BCAS3: variants seen among roughly 807,000 people sequenced by gnomAD.
BCAS3 encodes BCAS4/BCAS3 fusion.
In BCAS3, 53 loss-of-function variants were observed where a neutral mutation model predicts 116.1. The observed-to-expected ratio is 0.46, with a 90% CI of 0.37 to 0.57. The LOEUF is 0.57. Among genes scored for constraint, BCAS3 ranks in the 20% least tolerant of loss-of-function variants. The pLI is 0.00. For synonymous variants in BCAS3, 391 were observed against 408.2 expected, an observed-to-expected ratio of 0.96 and a Z score of 0.51; for missense variants, 917 against 1,165.4, an observed-to-expected ratio of 0.79 and a Z score of 3.10.
At chr17:61,170,061 G>A (rs2078748140) in intron 22 of BCAS3, among the ~76,000 whole-genome samples, 2 of 151,626 alleles carry the variant, frequency 1.3e-5, no homozygotes, top group Admixed American at 1.3e-4. Flanking sequence ...CACCACGTTG[G>A]CCAGGCTGGT....
intron 14 of BCAS3, among the ~76,000 whole-genome samples, chr17:60,963,231 A>G (rs1218367383): frequency 6.7e-6 from 1 of 149,728 alleles, no homozygotes; most frequent in Non-Finnish European, 1.5e-5. Context: ...TTGTGGCTCC[A>G]TATAAATGTT....
chr17:61,298,730 C>T (rs2144731974), intron 22 of BCAS3, among the ~76,000 whole-genome samples: 1 of 151,786 alleles, frequency 6.6e-6, no homozygotes, highest in Admixed American at 6.5e-5. Flanking sequence ...CCTTCTCTGG[C>T]AACAGAGAGT....
intron 7 of BCAS3, chr17:60,810,602 A>G: frequency 5.6e-6 from 4 of 720,114 alleles, no homozygotes; most frequent in South Asian, 5.4e-5. Context: ...AATACTGTGG[A>G]CAGTGCCTGC....
rs1439067675 is a variant in BCAS3, at chr17:61,088,479, A to C, written c.2425+3915A>C. 6.6e-6 allele frequency among the ~76,000 whole-genome samples: 1 copy of C among 152,234 alleles called. No individual in the cohort carries two copies. Among genetic ancestry groups the C allele is most frequent in the Non-Finnish European group, 1.5e-5 (1 of 68,040 alleles). Reference sequence around the variant, plus strand: ...GTATGTTCATTTTGGCTAGATAGCTAAGAATTTCTTTCTATTCTTTGTACC... The same window carrying C: ...GTATGTTCATTTTGGCTAGATAGCTCAGAATTTCTTTCTATTCTTTGTACC... On this transcript the variant is annotated intron_variant, in intron 22 of 23. Transcript: ENST00000407086. The surrounding 1 kb of genome is among the most constrained non-coding windows in gnomAD (Gnocchi z 4.2).
At chr17:61,190,526 C>CAAAA (rs71148387) in intron 22 of BCAS3, among the ~76,000 whole-genome samples, 16 of 43,846 alleles carry the variant, frequency 3.6e-4, no homozygotes, top group Admixed American at 1.1e-3. Flanking sequence ...GACTCCATCT[C>CAAAA]AAAAAAAAAA....
chr17:60,806,251 GT>G (rs1231130668), intron 6 of BCAS3, among the ~76,000 whole-genome samples: 2 of 152,156 alleles, frequency 1.3e-5, no homozygotes, highest in African/African-American at 4.8e-5. Flanking sequence ...ATAAGGGCTA[GT>G]TTAACAATGT....
In BCAS3 at chr17:61,286,328, TGAA is replaced by T. The variant is rs934574220; in HGVS notation, c.2426-81997_2426-81995del. The stretch of plus-strand genomic sequence containing the variant: ...GCATTTGAAAGTTATCGTGAGCAGA[TGAA>T]GCAGAGGTTGCTGGGTTTATACTGA... On this transcript the variant is annotated intron_variant, in intron 22 of 23. Transcript: ENST00000407086. This position sits in a 1 kb window ranked among gnomAD's most constrained non-coding sequence, Gnocchi z 4.8. Among the ~76,000 whole-genome samples, 32 of 152,218 alleles carry T rather than the reference TGAA, an allele frequency of 2.1e-4. No homozygotes were observed. The highest frequency in any genetic ancestry group is 7.0e-4 in the African/African-American group (29 of 41,458).
chr17:61,107,082 C>CTTTT lies in BCAS3; in HGVS notation c.2425+22537_2425+22540dup, dbSNP rs755754824. 1.8e-3 allele frequency among the ~76,000 whole-genome samples: 191 copies of CTTTT among 106,344 alleles called. 2 individuals carry two copies. The highest frequency in any genetic ancestry group is 2.2e-3 in the East Asian group (8 of 3,626). 69.8% of individuals were successfully genotyped at this position (106,344 alleles called of 152,430 possible). ...TCTTGCTTTGCTAACACTAGGCTTA[C>CTTTT]TTTTTTTTTTTTTTTTTTTTTTGAG... On this transcript the variant is annotated intron_variant, in intron 22 of 23. Transcript: ENST00000407086.
rs201099773 is a variant in BCAS3, at chr17:61,049,734, T to TC, written c.2029+8842_2029+8843insC. ...TCTTTTCTTTTCTTTTCTTTTCTTT[T>TC]TTTTTTTTTTTTTTTGAGACGGAGT... On this transcript the variant is annotated intron_variant, in intron 19 of 23. Transcript: ENST00000407086. Among the ~76,000 whole-genome samples, 657 of 144,666 alleles carry TC rather than the reference T, an allele frequency of 4.5e-3. 3 individuals carry two copies. The highest frequency in any genetic ancestry group is 0.016 in the African/African-American group (634 of 38,864). 94.9% of individuals were successfully genotyped at this position (144,666 alleles called of 152,430 possible). A position where few individuals can be genotyped will look rare whatever the true frequency, so the allele number is the denominator to read the frequency against.
chr17:61,189,156 GGGTAT>G lies in BCAS3; in HGVS notation c.2425+104596_2425+104600del, dbSNP rs2079955233. Among the ~76,000 whole-genome samples, 1 of 152,150 alleles carries G rather than the reference GGGTAT, an allele frequency of 6.6e-6. No homozygotes were observed. Among genetic ancestry groups the G allele is most frequent in the Non-Finnish European group, 1.5e-5 (1 of 68,024 alleles). On this transcript the variant is annotated intron_variant, in intron 22 of 23. Coordinates refer to ENST00000407086, the MANE Select transcript of BCAS3 (RefSeq NM_017679.5). This position sits in a 1 kb window ranked among gnomAD's most constrained non-coding sequence, Gnocchi z 4.5. ...GAGAGAGAGAACAGCACACTTCAAA[GGGTAT>G]GGTCTTTGTTGCTATGCTCCTTTAT...
At position 61,313,305 on chromosome 17, in the gene BCAS3, A is replaced by G. The variant is rs1352799120; in HGVS notation, c.2426-55022A>G. Among the ~76,000 whole-genome samples, 1 of 152,194 alleles carries G rather than the reference A, an allele frequency of 6.6e-6. No homozygotes were observed. Among genetic ancestry groups the G allele is most frequent in the Non-Finnish European group, 1.5e-5 (1 of 68,026 alleles). On this transcript the variant is annotated intron_variant, in intron 22 of 23. Transcript: ENST00000407086. This position sits in a 1 kb window ranked among gnomAD's most constrained non-coding sequence, Gnocchi z 4.3. ...ATTACACCACCATGATTCTACTCCAAAGACTGTCTTCCCTCCACCATGCCC... is the reference window on the plus strand; with the variant it reads ...ATTACACCACCATGATTCTACTCCAGAGACTGTCTTCCCTCCACCATGCCC...
At chr17:60,824,355 C>A (rs8079854) in intron 7 of BCAS3, among the ~76,000 whole-genome samples, 6,086 of 152,214 alleles carry the variant, frequency 0.04, 455 homozygotes, top group African/African-American at 0.14. Flanking sequence ...CCTTCAGCTC[C>A]TTTCTTCTTT....
rs1259970900 is a variant in BCAS3 at position 60,820,056 on chromosome 17, G to T, written c.476+11980G>T. 3.3e-5 allele frequency among the ~76,000 whole-genome samples: 5 copies of T among 151,834 alleles called. No homozygotes were observed. In the East Asian group the frequency reaches 5.8e-4, roughly 18 times the overall value. On this transcript the variant is annotated intron_variant, in intron 7 of 23. Coordinates refer to ENST00000407086, the MANE Select transcript of BCAS3 (RefSeq NM_017679.5). ...TTAGCCTATCTTCAGTAACCTGACA[G>T]TGGGACATCTTTTTTTCTTTTTTTT...
At chr17:60,881,217 G>A (rs1311914881) in intron 9 of BCAS3, among the ~76,000 whole-genome samples, 7 of 152,102 alleles carry the variant, frequency 4.6e-5, no homozygotes, top group Admixed American at 3.9e-4. Context: ...CTTGTGATCC[G>A]CCCACCTCGG....
intron 22 of BCAS3, among the ~76,000 whole-genome samples, chr17:61,173,529 A>G (rs2078976260): frequency 6.6e-6 from 1 of 152,102 alleles, no homozygotes; most frequent in African/African-American, 2.4e-5. Flanking sequence ...CAGTACTTAG[A>G]GGGAAATTTA....
Position 61,359,329 on chromosome 17 carries a change from C to A in BCAS3, c.2426-8998C>A, listed in dbSNP as rs78126979. Among the ~76,000 whole-genome samples, 221 of 152,196 alleles carry A rather than the reference C, an allele frequency of 1.5e-3. 4 individuals are homozygous for A. The East Asian group carries it at 0.036, about 25-fold the overall frequency. On this transcript the variant is annotated intron_variant, in intron 22 of 23. Coordinates refer to ENST00000407086, the MANE Select transcript of BCAS3 (RefSeq NM_017679.5). ...AATTATAACAAACTTCATTATAGAT[C>A]TAATTGGCTTTTATTTGTGATTCAT... is the stretch of plus-strand genomic sequence containing the variant.
intron 9 of BCAS3, among the ~76,000 whole-genome samples, chr17:60,888,643 C>T (rs2056914858): frequency 6.6e-6 from 1 of 151,962 alleles, no homozygotes; most frequent in African/African-American, 2.4e-5. Flanking sequence ...CCATAATATG[C>T]ATTTAATAGA....
intron 4 of BCAS3, among the ~76,000 whole-genome samples, chr17:60,699,882 GA>G (rs1006006575): frequency 1.4e-5 from 2 of 143,930 alleles, no homozygotes; most frequent in South Asian, 4.5e-4. Flanking sequence ...AAAAAAAAAA[GA>G]GCAGTTTTGG....
At chr17:61,086,276 A>G (rs913711934) in intron 22 of BCAS3, among the ~76,000 whole-genome samples, 1 of 152,118 alleles carries the variant, frequency 6.6e-6, no homozygotes, top group Admixed American at 6.6e-5. Context: ...TATTTTTAGT[A>G]GAGATGGGGT....
Sources: allele counts gnomAD v4.1 joint callset (sites outside exome capture counted in the v4.1 genomes callset), GRCh38; gene constraint gnomAD v4.1.1; non-coding constraint Gnocchi (gnomAD v3.1); transcripts MANE v1.5; gene names NCBI Gene and HGNC (gene_info 2026-07-23, HGNC 2026-07-21).